The following PLEKHA7 variants were observed in gnomAD, a reference collection of about 807,000 sequenced individuals.
The protein encoded by PLEKHA7 is pleckstrin homology domain containing A7, also known as pleckstrin homology domain-containing family A member 7.
Under a neutral mutation model 170.0 loss-of-function variants are expected in PLEKHA7, and 104 were observed. The observed-to-expected ratio is 0.61, with a 90% CI of 0.52 to 0.72. PLEKHA7 has a LOEUF of 0.72. Among genes scored for constraint, PLEKHA7 ranks in the 30% least tolerant of loss-of-function variants. PLEKHA7 has a pLI of 0.00. For synonymous variants in PLEKHA7, 648 were observed against 660.8 expected, an observed-to-expected ratio of 0.98 and a Z score of 0.30; for missense variants, 1,615 against 1,671.7, an observed-to-expected ratio of 0.97 and a Z score of 0.59.
chr11:16,980,027 C>T (rs796732830), intron 3 of PLEKHA7, among the ~76,000 whole-genome samples: 36 of 152,144 alleles, frequency 2.4e-4, no homozygotes, highest in African/African-American at 7.5e-4. Context: ...AAAATGGGTA[C>T]GACCCACAGT....
At chr11:16,928,425 G>C (rs1859711848) in intron 3 of PLEKHA7, among the ~76,000 whole-genome samples, 1 of 151,394 alleles carries the variant, frequency 6.6e-6, no homozygotes, top group Admixed American at 6.6e-5. Flanking sequence ...CTTAAAGGTA[G>C]ATTGGTTTTG....
At chr11:16,860,010 T>C (rs1047624687) in intron 4 of PLEKHA7, among the ~76,000 whole-genome samples, 6 of 152,246 alleles carry the variant, frequency 3.9e-5, no homozygotes, top group Non-Finnish European at 8.8e-5. Flanking sequence ...TTGGGCTACA[T>C]GAATGCTGAT....
intron 3 of PLEKHA7, among the ~76,000 whole-genome samples, chr11:16,931,767 C>A (rs79672854): frequency 0.03 from 988 of 33,448 alleles, 12 homozygotes; most frequent in Middle Eastern, 0.061. Flanking sequence ...CCCCCCCCCC[C>A]AAAAAAAAAA....
At chr11:16,833,919 C>T (rs1851312547) in intron 9 of PLEKHA7, among the ~76,000 whole-genome samples, 2 of 152,118 alleles carry the variant, frequency 1.3e-5, no homozygotes, top group Non-Finnish European at 2.9e-5. Flanking sequence ...CACGGTGGCT[C>T]ACATCTGTAA....
chr11:16,996,703 G>A (rs560049937), intron 3 of PLEKHA7, among the ~76,000 whole-genome samples: 50 of 152,238 alleles, frequency 3.3e-4, no homozygotes, highest in African/African-American at 7.2e-4. Context: ...TTGGGAGGCC[G>A]AGGCGGGCGG....
chr11:16,794,605 A>G lies in PLEKHA7; in HGVS notation c.2628T>C (p.Pro876=), dbSNP rs1301867065. The G allele has an allele frequency of 6.2e-7, 1 of 1,613,534 alleles. No individual in the cohort carries two copies. The highest frequency in any genetic ancestry group is 1.7e-5 in the Admixed American group (1 of 59,984). ...PSPPTSPVRT[P]LEVRLFPQLQ... is the part of the protein sequence containing the mutation. ...GCTGGGGGAAGAGTCGAACCTCCAG[A>G]GGGGTCCGCACAGGGCTGGTGGGAG... Residue 876 remains proline (P), a synonymous_variant, in exon 19 of 27, where the codon CCT becomes CCC. Transcript: ENST00000531066.
chr11:16,844,292 G>A (rs1454361066), intron 8 of PLEKHA7, among the ~76,000 whole-genome samples: 1 of 152,168 alleles, frequency 6.6e-6, no homozygotes, highest in Non-Finnish European at 1.5e-5. Context: ...CCACCATTAC[G>A]AAGGAGTTAC....
At chr11:16,949,126 A>C (rs1590697058) in intron 3 of PLEKHA7, among the ~76,000 whole-genome samples, 2 of 147,842 alleles carry the variant, frequency 1.4e-5, no homozygotes, top group Admixed American at 6.7e-5. Context: ...CACTCTCTTT[A>C]CCCCCTCCCC....
At chr11:16,841,490 T>G in intron 9 of PLEKHA7, 57 bp downstream of exon 9, 3 of 1,565,138 alleles carry the variant, frequency 1.9e-6, no homozygotes, top group Non-Finnish European at 2.6e-6. Flanking sequence ...AGGACCTATC[T>G]GGGTCCCAAT....
At chr11:16,779,543 G>A (rs1425175140) in intron 26 of PLEKHA7, among the ~76,000 whole-genome samples, 1 of 152,154 alleles carries the variant, frequency 6.6e-6, no homozygotes. Flanking sequence ...AGATCTCTAG[G>A]AGAAAGCCAC....
Position 16,800,955 on chromosome 11 carries a change from T to G in PLEKHA7, c.2409+19A>C, listed in dbSNP as rs758568442. 8 of 1,599,518 alleles carry G rather than the reference T, an allele frequency of 5.0e-6. No homozygotes were observed. The highest frequency in any genetic ancestry group is 6.9e-6 in the Non-Finnish European group (8 of 1,166,948). On this transcript the variant is annotated intron_variant, in intron 17 of 26. Coordinates refer to ENST00000531066, the MANE Select transcript of PLEKHA7 (RefSeq NM_001329630.2). ...ACAAAAAACAAGAGCTCAGAAGAGA[T>G]GGACAGGTATCAGGTCACCTGGAAA...
intron 10 of PLEKHA7, among the ~76,000 whole-genome samples, chr11:16,818,851 T>C (rs1849984273): frequency 6.6e-6 from 1 of 152,106 alleles, no homozygotes; most frequent in African/African-American, 2.4e-5. Flanking sequence ...TTGCCCAGGC[T>C]GGAGTGCAGT....
At chr11:16,970,366 G>C (rs1862633419) in intron 3 of PLEKHA7, among the ~76,000 whole-genome samples, 1 of 152,078 alleles carries the variant, frequency 6.6e-6, no homozygotes, top group African/African-American at 2.4e-5. Flanking sequence ...AGGATCAAAA[G>C]AGAAAATGTA....
chr11:16,818,348 G>A (rs1849933975), intron 10 of PLEKHA7, among the ~76,000 whole-genome samples: 1 of 152,198 alleles, frequency 6.6e-6, no homozygotes, highest in South Asian at 2.1e-4. Context: ...CTGATACACA[G>A]AAGGTCCTTC....
In PLEKHA7 at chr11:16,903,618, G is replaced by T. The variant is rs140312535; in HGVS notation, c.222-32436C>A. ...GAGAAGGTGAAAAGGCCTCCACTGT[G>T]CTTCTTGGCATATAAATAACTCACA... On this transcript the variant is annotated intron_variant, in intron 3 of 26. Coordinates refer to ENST00000531066, the MANE Select transcript of PLEKHA7 (RefSeq NM_001329630.2). Among the ~76,000 whole-genome samples the T allele has an allele frequency of 2.0e-3, 311 of 152,258 alleles. 1 individual carries two copies. The highest frequency in any genetic ancestry group is 7.1e-3 in the African/African-American group (294 of 41,558).
intron 3 of PLEKHA7, among the ~76,000 whole-genome samples, chr11:16,875,841 C>A (rs1009486235): frequency 1.3e-5 from 2 of 152,092 alleles, no homozygotes; most frequent in Admixed American, 1.3e-4. Flanking sequence ...GGTCCCTGGG[C>A]GATTCCATTC....
chr11:16,924,664 G>T (rs1252262582), intron 3 of PLEKHA7, among the ~76,000 whole-genome samples: 1 of 152,090 alleles, frequency 6.6e-6, no homozygotes. Context: ...GGGCAGTGCT[G>T]GTGCCTTGGG....
chr11:17,013,376 C>G (rs1176017788), intron 3 of PLEKHA7: 2 of 152,352 alleles, frequency 1.3e-5, no homozygotes, highest in Non-Finnish European at 2.9e-5. Flanking sequence ...TCAGCTCCGG[C>G]CGAAGAGACG....
chr11:16,869,391 C>T (rs1422006497), intron 4 of PLEKHA7, among the ~76,000 whole-genome samples: 3 of 152,204 alleles, frequency 2.0e-5, no homozygotes. Context: ...CCTGGGACGG[C>T]ATCTTGGCTC....
Sources: gnomAD v4.1 joint callset for allele counts (sites outside exome capture counted in the v4.1 genomes callset) on GRCh38, gnomAD v4.1.1 for gene constraint, MANE v1.5 for transcripts, NCBI Gene and HGNC (gene_info 2026-07-23, HGNC 2026-07-21) for gene names.